The following CBX3 variants were observed in gnomAD, a reference collection of about 807,000 sequenced individuals.
CBX3 encodes the protein chromobox protein homolog 3.
In CBX3, 5 loss-of-function variants were observed where a neutral mutation model predicts 22.6. The observed-to-expected ratio is 0.22, with a 90% CI of 0.12 to 0.47. CBX3 has a LOEUF of 0.47. CBX3 is among the 20% of genes least tolerant of loss of function. The pLI, the probability that CBX3 is intolerant of heterozygous loss-of-function variation, is 0.99. For missense variants in CBX3, 83 were observed against 208.1 expected (o/e 0.40, Z 3.70); for synonymous variants, 50 against 66.6 (o/e 0.75, Z 1.21).
chr7:26,213,217 G>C lies in CBX3; in HGVS notation c.*1009G>C, dbSNP rs1784851073. The C allele has an allele frequency of 6.5e-6, 1 of 152,686 alleles. No homozygotes were observed. The highest frequency in any genetic ancestry group is 1.9e-4 in the East Asian group (1 of 5,206). The allele number at this position is 152,686 out of a possible 1,614,324, so 9.5% of individuals were successfully genotyped here. The stretch of plus-strand genomic sequence containing the variant: ...ATTCATTACATGGAGGCTCAATCTT[G>C]AGTTTGCTTTACTGGTTCAGCAAAA... On this transcript the variant is annotated 3_prime_UTR_variant, in exon 6 of 6. Transcript: ENST00000396386.
chr7:26,201,707 C>T (rs1388149763), upstream of CBX3: 1 of 151,488 alleles, frequency 6.6e-6, no homozygotes, highest in Non-Finnish European at 1.5e-5. Context: ...CCACCCCTCC[C>T]CCCGGCGGCC....
At chr7:26,205,575 T>A (rs1313894066) in intron 2 of CBX3, among the ~76,000 whole-genome samples, 1 of 152,188 alleles carries the variant, frequency 6.6e-6, no homozygotes, top group South Asian at 2.1e-4. Flanking sequence ...ATTCTGCATT[T>A]ATCTTTTCTC....
In CBX3 at chr7:26,212,801, C is replaced by T. The variant is rs1334777551; in HGVS notation, c.*593C>T. On this transcript the variant is annotated 3_prime_UTR_variant, in exon 6 of 6. Coordinates refer to ENST00000396386, the MANE Select transcript of CBX3 (RefSeq NM_016587.4). ...GTGAAATAAGTAATTCTAGATAGGACAATTTAAATTGGATAATTTTAAAGT... is the reference window on the plus strand; with the variant it reads ...GTGAAATAAGTAATTCTAGATAGGATAATTTAAATTGGATAATTTTAAAGT... 1.8e-4 allele frequency: 28 copies of T among 152,356 alleles called. No homozygotes were observed. Among genetic ancestry groups the T allele is most frequent in the African/African-American group, 6.5e-4 (27 of 41,576 alleles). 9.4% of individuals were successfully genotyped at this position (152,356 alleles called of 1,614,324 possible). A position where few individuals can be genotyped will look rare whatever the true frequency, so the allele number is the denominator to read the frequency against.
At chr7:26,202,804 T>G in intron 1 of CBX3, 167 bp from the exon 2 acceptor site, 1 of 625,830 alleles carries the variant, frequency 1.6e-6, no homozygotes, top group Non-Finnish European at 2.8e-6. Context: ...GACACGTACT[T>G]AAGTACATCA....
intron 5 of CBX3, 123 bp downstream of exon 5, chr7:26,211,879 T>G: frequency 1.1e-6 from 1 of 869,858 alleles, no homozygotes; most frequent in Admixed American, 3.2e-5. Flanking sequence ...CTGGTTACTT[T>G]TACTAGTAGT....
intron 3 of CBX3, among the ~76,000 whole-genome samples, chr7:26,207,257 A>G (rs1344579508): frequency 6.6e-6 from 1 of 152,202 alleles, no homozygotes; most frequent in East Asian, 1.9e-4. Context: ...CCTGCTCTTC[A>G]CATTTAATTC....
intron 5 of CBX3, among the ~76,000 whole-genome samples, 163 bp downstream of exon 5, chr7:26,211,919 C>T (rs909640775): frequency 6.6e-6 from 1 of 151,858 alleles, no homozygotes; most frequent in African/African-American, 2.4e-5. Flanking sequence ...CAAACTGTGG[C>T]CTGTTTTGAA....
At chr7:26,211,778 C>G in intron 5 of CBX3, 22 bp downstream of exon 5, 2 of 1,479,432 alleles carry the variant, frequency 1.4e-6, no homozygotes, top group Non-Finnish European at 1.8e-6. Context: ...GAGATTGTTA[C>G]ATTTGAAAGT....
intron 3 of CBX3, among the ~76,000 whole-genome samples, chr7:26,207,720 G>A (rs999238125): frequency 7.9e-5 from 12 of 151,966 alleles, no homozygotes; most frequent in African/African-American, 2.4e-4. Flanking sequence ...GTTTCACCAT[G>A]TTGGTCAGGC....
chr7:26,209,087 A>G (rs1212306328), intron 4 of CBX3, among the ~76,000 whole-genome samples: 1 of 150,202 alleles, frequency 6.7e-6, no homozygotes, highest in Admixed American at 6.6e-5. Context: ...TTGTATATTT[A>G]GTAGAGACGG....
chr7:26,208,618 T>G (rs1784735562), intron 4 of CBX3, 63 bp downstream of exon 4: 2 of 1,466,330 alleles, frequency 1.4e-6, no homozygotes, highest in Non-Finnish European at 1.9e-6. Context: ...TTGATTTCTT[T>G]TTTGTTTGTT....
rs201557283 is a variant in CBX3, at chr7:26,206,522, T to G, written c.167+12T>G. ...AAGGGATTTACAGAGTAAGAAACTT[T>G]AGTGCATCTTTACTATATGTTTAAC... On this transcript the variant is annotated intron_variant, in intron 3 of 5. Coordinates refer to ENST00000396386, the MANE Select transcript of CBX3 (RefSeq NM_016587.4). The G allele has an allele frequency of 1.9e-6, 3 of 1,571,434 alleles. No individual in the cohort carries two copies. The highest frequency in any genetic ancestry group is 2.4e-5 in the East Asian group (1 of 41,750).
Position 26,212,411 on chromosome 7 carries a change from T to A in CBX3, c.*203T>A. The A allele has an allele frequency of 4.5e-6, 1 of 220,622 alleles. No individual in the cohort carries two copies. Among genetic ancestry groups the A allele is most frequent in the Non-Finnish European group, 9.0e-6 (1 of 110,998 alleles). The allele number at this position is 220,622 out of a possible 1,614,324, so 13.7% of individuals were successfully genotyped here. A position where few individuals can be genotyped will look rare whatever the true frequency, so the allele number is the denominator to read the frequency against. ...ACTTTGAACAAATAAATAAAAGCTT[T>A]CTGTAGTTGCTTCCTTTATCAGAAA... is the stretch of plus-strand genomic sequence containing the variant. On this transcript the variant is annotated 3_prime_UTR_variant, in exon 6 of 6. Transcript: ENST00000396386.
At chr7:26,206,619 T>C in intron 3 of CBX3, 109 bp downstream of exon 3, 1 of 986,436 alleles carries the variant, frequency 1.0e-6, no homozygotes, top group Non-Finnish European at 1.6e-6. Context: ...TGTCTTTAAA[T>C]GTAAAGACAC....
chr7:26,201,931 C>G (rs1480552991), intron 1 of CBX3, 105 bp downstream of exon 1: 1 of 152,086 alleles, frequency 6.6e-6, no homozygotes, highest in South Asian at 2.1e-4. Context: ...CCCCTTCTCG[C>G]CGGACCCCGC....
intron 1 of CBX3, 104 bp downstream of exon 1, chr7:26,201,930 G>T (rs867348650): frequency 1.9e-4 from 29 of 151,612 alleles, no homozygotes; most frequent in African/African-American, 6.8e-4. Flanking sequence ...TCCCCTTCTC[G>T]CCGGACCCCG....
At chr7:26,202,831 G>T (rs1784580528) in intron 1 of CBX3, 140 bp from the exon 2 acceptor site, 2 of 685,326 alleles carry the variant, frequency 2.9e-6, no homozygotes, top group African/African-American at 3.6e-5. Context: ...ATGTAGGTAG[G>T]AGCGCAGATC....
rs765035386 is a variant in CBX3 at position 26,212,996 on chromosome 7, C to A, written c.*788C>A. 8 of 152,292 alleles carry A rather than the reference C, an allele frequency of 5.3e-5. No individual in the cohort carries two copies. The highest frequency in any genetic ancestry group is 7.3e-5 in the Non-Finnish European group (5 of 68,052). 9.4% of individuals were successfully genotyped at this position (152,292 alleles called of 1,614,324 possible). A position where few individuals can be genotyped will look rare whatever the true frequency, so the allele number is the denominator to read the frequency against. On this transcript the variant is annotated 3_prime_UTR_variant, in exon 6 of 6. Transcript: ENST00000396386. Reference sequence around the variant, plus strand: ...ACATTTAAAAGTTTCCCTAGCGGGCCATTCCTTAGCAAAATGTTGGAATCC... The same window carrying A: ...ACATTTAAAAGTTTCCCTAGCGGGCAATTCCTTAGCAAAATGTTGGAATCC...
At chr7:26,206,649 A>C in intron 3 of CBX3, 139 bp downstream of exon 3, 4 of 785,444 alleles carry the variant, frequency 5.1e-6, no homozygotes, top group Non-Finnish European at 8.5e-6. Context: ...TAGGTGTCTC[A>C]TTTGAGGTCT....
Sources: allele counts gnomAD v4.1 joint callset (sites outside exome capture counted in the v4.1 genomes callset), GRCh38; gene constraint gnomAD v4.1.1; transcripts MANE v1.5; gene names NCBI Gene and HGNC (gene_info 2026-07-23, HGNC 2026-07-21).